Variants in TRPS1 observed in about 807,000 individuals in gnomAD.
TRPS1 encodes zinc finger transcription factor Trps1.
Under a neutral mutation model 101.2 loss-of-function variants are expected in TRPS1, and 6 were observed. That is an observed-to-expected ratio of 0.06 (90% CI 0.03 to 0.12). The LOEUF is 0.12. TRPS1 is among the 10% of genes least tolerant of loss of function. The pLI is 1.00. For missense variants in TRPS1, 1,363 were observed against 1,567.0 expected, an observed-to-expected ratio of 0.87 and a Z score of 2.20; for synonymous variants, 578 against 589.8, an observed-to-expected ratio of 0.98 and a Z score of 0.29.
intron 5 of TRPS1, among the ~76,000 whole-genome samples, chr8:115,584,691 T>C (rs577506869): frequency 6.6e-6 from 1 of 151,870 alleles, no homozygotes; most frequent in Non-Finnish European, 1.5e-5. Flanking sequence ...GGTATGATAA[T>C]TTCAGAATAC....
At chr8:115,532,001 CTGCATGCT>C (rs1816144637) in intron 5 of TRPS1, among the ~76,000 whole-genome samples, 1 of 152,066 alleles carries the variant, frequency 6.6e-6, no homozygotes. Context: ...ATCTGAGGGA[CTGCATGCT>C]TGTGAATATC....
chr8:115,532,144 T>C (rs1395380032), intron 5 of TRPS1, among the ~76,000 whole-genome samples: 1 of 151,872 alleles, frequency 6.6e-6, no homozygotes, highest in Non-Finnish European at 1.5e-5. Flanking sequence ...CCTTGGAAAA[T>C]ACATATTTGC....
chr8:115,422,606 T>C (rs888870782), intron 5 of TRPS1, among the ~76,000 whole-genome samples: 1 of 152,144 alleles, frequency 6.6e-6, no homozygotes, highest in Non-Finnish European at 1.5e-5. Context: ...CCTCAGGTGA[T>C]CCACCGGCCT....
chr8:115,532,056 G>A (rs759658270), intron 5 of TRPS1, among the ~76,000 whole-genome samples: 1 of 152,128 alleles, frequency 6.6e-6, no homozygotes, highest in Non-Finnish European at 1.5e-5. Context: ...TGACACTCAC[G>A]ATGTTGAGAT....
chr8:115,574,603 A>T (rs1817275619), intron 5 of TRPS1, among the ~76,000 whole-genome samples: 1 of 152,170 alleles, frequency 6.6e-6, no homozygotes, highest in Non-Finnish European at 1.5e-5. Context: ...AGCAAATGAA[A>T]GAAAATTTAA....
At chr8:115,535,949 TG>T (rs1240836606) in intron 5 of TRPS1, among the ~76,000 whole-genome samples, 1 of 152,064 alleles carries the variant, frequency 6.6e-6, no homozygotes, top group Admixed American at 6.6e-5. Flanking sequence ...ATAATTACAT[TG>T]CCCACTACTA....
intron 5 of TRPS1, among the ~76,000 whole-genome samples, chr8:115,521,063 A>G (rs1451816164): frequency 1.3e-5 from 2 of 151,868 alleles, no homozygotes; most frequent in Non-Finnish European, 2.9e-5. Context: ...CCCAGGAGTC[A>G]ATTTCAAACA....
At chr8:115,571,460 C>T (rs1253718160) in intron 5 of TRPS1, among the ~76,000 whole-genome samples, 1 of 152,106 alleles carries the variant, frequency 6.6e-6, no homozygotes, top group African/African-American at 2.4e-5. Flanking sequence ...TTTACAAGAA[C>T]TGAAAGCCTT....
At chr8:115,635,416 C>A (rs1818745756) in intron 1 of TRPS1, among the ~76,000 whole-genome samples, 1 of 152,084 alleles carries the variant, frequency 6.6e-6, no homozygotes, top group Admixed American at 6.6e-5. Context: ...GCTCCTAAGT[C>A]AAAACTCACG....
intron 1 of TRPS1, among the ~76,000 whole-genome samples, chr8:115,641,299 TA>T (rs1259580277): frequency 2.0e-5 from 3 of 152,242 alleles, no homozygotes; most frequent in Non-Finnish European, 4.4e-5. Context: ...TCACAAAATT[TA>T]GAAACTGCCG....
In TRPS1 at chr8:115,621,468, T is replaced by C. The variant is rs1286602851; in HGVS notation, c.38-1408A>G. Among the ~76,000 whole-genome samples, 4 of 152,246 alleles carry C rather than the reference T, an allele frequency of 2.6e-5. No individual in the cohort carries two copies. The East Asian group carries it at 5.8e-4, about 22-fold the overall frequency. On this transcript the variant is annotated intron_variant, in intron 2 of 6. Transcript: ENST00000395715. Reference sequence around the variant, plus strand: ...ACTGAAGTACCACACTGGCTTTGGATAGACAAGTGTACCTTTGCTTCTGAA... The same window carrying C: ...ACTGAAGTACCACACTGGCTTTGGACAGACAAGTGTACCTTTGCTTCTGAA...
intron 5 of TRPS1, among the ~76,000 whole-genome samples, chr8:115,456,823 C>G (rs781470025): frequency 6.6e-6 from 1 of 151,826 alleles, no homozygotes; most frequent in Non-Finnish European, 1.5e-5. Context: ...ATCTGGGGTT[C>G]AAAATTTATT....
intron 5 of TRPS1, among the ~76,000 whole-genome samples, chr8:115,438,916 C>T (rs370939598): frequency 1.3e-5 from 2 of 152,172 alleles, no homozygotes; most frequent in African/African-American, 4.8e-5. Context: ...TTTTGCTAGG[C>T]TGCGAAAATA....
chr8:115,430,807 T>C (rs537261689), intron 5 of TRPS1, among the ~76,000 whole-genome samples: 26 of 152,234 alleles, frequency 1.7e-4, no homozygotes, highest in African/African-American at 5.8e-4. Flanking sequence ...GTTGTCTTTA[T>C]TTTCATTAAA....
At chr8:115,666,535 A>T (rs748834331) in intron 1 of TRPS1, among the ~76,000 whole-genome samples, 1 of 152,198 alleles carries the variant, frequency 6.6e-6, no homozygotes, top group African/African-American at 2.4e-5. Flanking sequence ...CAGTGAGTTC[A>T]GAAACTTTCA....
chr8:115,417,922 C>A (rs1470260242), intron 6 of TRPS1, among the ~76,000 whole-genome samples: 4 of 152,154 alleles, frequency 2.6e-5, no homozygotes, highest in Middle Eastern at 3.2e-3. Flanking sequence ...AACACGAATT[C>A]TTTCCCTGAC....
chr8:115,638,464 G>C lies in TRPS1; in HGVS notation c.-121-14706C>G, dbSNP rs188788953. On this transcript the variant is annotated intron_variant, in intron 1 of 6. Transcript: ENST00000395715. ...AAGGTCATGAAGGTACCTTTGGGCA[G>C]AAGCCAACACTGCCTTTAAGGCCCC... Among the ~76,000 whole-genome samples, 13 of 152,280 alleles carry C rather than the reference G, an allele frequency of 8.5e-5. No individual in the cohort carries two copies. In the East Asian group the frequency reaches 2.1e-3, roughly 25 times the overall value.
intron 5 of TRPS1, among the ~76,000 whole-genome samples, chr8:115,448,267 C>T (rs1421789598): frequency 6.6e-6 from 1 of 152,116 alleles, no homozygotes; most frequent in Non-Finnish European, 1.5e-5. Context: ...TAGACATTTT[C>T]ATTATTCTTG....
At chr8:115,560,600 T>C (rs1335495576) in intron 5 of TRPS1, among the ~76,000 whole-genome samples, 1 of 152,144 alleles carries the variant, frequency 6.6e-6, no homozygotes, top group African/African-American at 2.4e-5. Context: ...GTAAAATTTG[T>C]ACATTGGTGT....
Sources: gnomAD v4.1 joint callset for allele counts (sites outside exome capture counted in the v4.1 genomes callset) on GRCh38, gnomAD v4.1.1 for gene constraint, MANE v1.5 for transcripts, NCBI Gene and HGNC (gene_info 2026-07-23, HGNC 2026-07-21) for gene names.